Variants in ASRGL1 observed in about 807,000 individuals in gnomAD.
ASRGL1 encodes isoaspartyl peptidase/L-asparaginase.
ASRGL1 carries 16 observed loss-of-function variants against 22.4 expected under a neutral mutation model. The ratio of observed to expected loss-of-function variants is 0.71; its 90% CI spans 0.48 to 1.08. The LOEUF (loss-of-function observed/expected upper bound fraction) is 1.08, where lower values mean the gene tolerates loss of function less well. ASRGL1 is among the 50% of genes least tolerant of loss of function. The probability of loss-of-function intolerance (pLI) is 0.00; values close to 1 mark genes in which losing one functional copy is unlikely to be tolerated. For missense variants in ASRGL1, 412 were observed against 410.1 expected (o/e 1.00, Z -0.04); for synonymous variants, 165 against 159.3 (o/e 1.04, Z -0.27).
intron 4 of ASRGL1, chr11:62,372,069 T>A (rs1590741790): frequency 1.3e-6 from 1 of 759,026 alleles, no homozygotes; most frequent in Admixed American, 1.8e-5. Flanking sequence ...GTGCGGACAG[T>A]GGTCTCTGGC....
chr11:62,340,467 T>G (rs1945836757), intron 2 of ASRGL1, among the ~76,000 whole-genome samples: 2 of 152,192 alleles, frequency 1.3e-5, no homozygotes, highest in African/African-American at 4.8e-5. Flanking sequence ...AACCCTCACT[T>G]ATTTACACAG....
chr11:62,395,980 G>A (rs1947429114), downstream of ASRGL1, among the ~76,000 whole-genome samples: 1 of 151,562 alleles, frequency 6.6e-6, no homozygotes, highest in Non-Finnish European at 1.5e-5. Context: ...CATCATGTTG[G>A]ACAGGCTGGT....
chr11:62,366,665 TTC>T (rs1309317450), intron 4 of ASRGL1, among the ~76,000 whole-genome samples: 1 of 152,156 alleles, frequency 6.6e-6, no homozygotes, highest in Non-Finnish European at 1.5e-5. Context: ...TCATTGTTTT[TTC>T]TTTTACTTTT....
intron 4 of ASRGL1, among the ~76,000 whole-genome samples, chr11:62,361,788 A>G (rs1946441999): frequency 6.6e-6 from 1 of 151,938 alleles, no homozygotes; most frequent in Non-Finnish European, 1.5e-5. Context: ...GCCCAGCCCA[A>G]AGTTTTTTAA....
intron 2 of ASRGL1, among the ~76,000 whole-genome samples, chr11:62,341,201 T>A (rs1057323936): frequency 1.3e-5 from 2 of 150,466 alleles, no homozygotes; most frequent in African/African-American, 4.9e-5. Context: ...ACAGGATTTT[T>A]TTTTTTTTTT....
chr11:62,389,740 C>T (rs896615302), intron 5 of ASRGL1: 7 of 239,906 alleles, frequency 2.9e-5, no homozygotes, highest in Non-Finnish European at 1.7e-5. Flanking sequence ...CGGGGAAGCA[C>T]GCCATCTCAT....
At chr11:62,393,574 T>C (rs1308966489), downstream of ASRGL1, among the ~76,000 whole-genome samples, 1 of 152,080 alleles carries the variant, frequency 6.6e-6, no homozygotes, top group African/African-American at 2.4e-5. Context: ...AACTGAACTT[T>C]TTCTGAGTGG....
intron 4 of ASRGL1, among the ~76,000 whole-genome samples, chr11:62,364,561 T>A (rs1372357208): frequency 6.6e-6 from 1 of 152,198 alleles, no homozygotes; most frequent in Non-Finnish European, 1.5e-5. Context: ...CATTGCAGCA[T>A]TATTCAAAAT....
At position 62,389,314 on chromosome 11, in the gene ASRGL1, C is replaced by T. The variant is rs550976250; in HGVS notation, c.610+63C>T. 3.2e-5 allele frequency: 45 copies of T among 1,402,522 alleles called. No individual in the cohort carries two copies. In the African/African-American group the frequency reaches 6.1e-4, roughly 19 times the overall value. 86.9% of individuals were successfully genotyped at this position (1,402,522 alleles called of 1,614,324 possible). A position where few individuals can be genotyped will look rare whatever the true frequency, so the allele number is the denominator to read the frequency against. ...CTCCCGCCCTCAGGCTTTCCTCACT[C>T]TCTATTCCCTGCCCCTCTCCGTTTC... On this transcript the variant is annotated intron_variant, in intron 5 of 6. Transcript: ENST00000415229.
chr11:62,343,588 C>A (rs1290215101), intron 2 of ASRGL1, among the ~76,000 whole-genome samples: 2 of 149,890 alleles, frequency 1.3e-5, no homozygotes, highest in Non-Finnish European at 3.0e-5. Context: ...ATTAGCCAGG[C>A]ATGGTGGCAC....
At chr11:62,377,751 A>G (rs1210794992) in intron 4 of ASRGL1, among the ~76,000 whole-genome samples, 1 of 152,188 alleles carries the variant, frequency 6.6e-6, no homozygotes. Flanking sequence ...TGTCTGGGTC[A>G]TTTCCACACA....
chr11:62,350,217 C>T (rs973627707), intron 2 of ASRGL1, among the ~76,000 whole-genome samples: 4 of 152,172 alleles, frequency 2.6e-5, no homozygotes, highest in African/African-American at 9.7e-5. Context: ...AATGGCTTTT[C>T]TCATTCAGCA....
intron 4 of ASRGL1, among the ~76,000 whole-genome samples, chr11:62,364,265 G>T (rs1049915633): frequency 6.6e-6 from 1 of 151,886 alleles, no homozygotes; most frequent in Non-Finnish European, 1.5e-5. Flanking sequence ...GCGCGTGCAT[G>T]TGTGCGTGTA....
intron 5 of ASRGL1, 75 bp downstream of exon 5, chr11:62,389,326 C>A: frequency 1.5e-6 from 2 of 1,331,606 alleles, no homozygotes; most frequent in East Asian, 2.3e-5. Context: ...CTATTCCCTG[C>A]CCCTCTCCGT....
In ASRGL1 at chr11:62,369,872, C is replaced by A. The variant is rs370426840; in HGVS notation, c.491+12728C>A. Among the ~76,000 whole-genome samples, 8 of 152,154 alleles carry A rather than the reference C, an allele frequency of 5.3e-5. No individual in the cohort carries two copies. The East Asian group carries it at 1.5e-3, about 29-fold the overall frequency. ...TCACACTGTAACTGGAAACGATGTT[C>A]TAAGCTCATGAGCCTATCTTCCATC... On this transcript the variant is annotated intron_variant, in intron 4 of 6. Coordinates refer to ENST00000415229, the MANE Select transcript of ASRGL1 (RefSeq NM_001083926.2).
At chr11:62,351,970 G>T (rs1946177730) in intron 2 of ASRGL1, among the ~76,000 whole-genome samples, 1 of 152,162 alleles carries the variant, frequency 6.6e-6, no homozygotes, top group South Asian at 2.1e-4. Flanking sequence ...ACCTCACCCA[G>T]CCAAGAACTT....
intron 2 of ASRGL1, among the ~76,000 whole-genome samples, chr11:62,338,785 GAAAA>G (rs553788410): frequency 7.9e-6 from 1 of 126,428 alleles, no homozygotes; most frequent in Non-Finnish European, 1.7e-5. Context: ...AAATACAAAA[GAAAA>G]AAAAAAAAAG....
At chr11:62,347,604 A>T (rs566529086) in intron 2 of ASRGL1, among the ~76,000 whole-genome samples, 19 of 150,158 alleles carry the variant, frequency 1.3e-4, no homozygotes, top group Admixed American at 6.1e-4. Context: ...GAATTTACCC[A>T]ATCTTCGGTT....
intron 4 of ASRGL1, among the ~76,000 whole-genome samples, chr11:62,386,515 GA>G (rs746899196): frequency 5.8e-5 from 4 of 68,396 alleles, no homozygotes; most frequent in African/African-American, 9.9e-5. Context: ...TGTATAGGGG[GA>G]AAGATAGTGT....
Sources: allele counts gnomAD v4.1 joint callset (sites outside exome capture counted in the v4.1 genomes callset), GRCh38; gene constraint gnomAD v4.1.1; transcripts MANE v1.5; gene names NCBI Gene and HGNC (gene_info 2026-07-23, HGNC 2026-07-21).